PLA2G6: variants seen among roughly 807,000 people sequenced by gnomAD.
PLA2G6 encodes 85/88 kDa calcium-independent phospholipase A2.
Under a neutral mutation model 83.8 loss-of-function variants are expected in PLA2G6, and 62 were observed. That is an observed-to-expected ratio of 0.74 (90% CI 0.60 to 0.91). PLA2G6 has a LOEUF of 0.91. Among genes scored for constraint, PLA2G6 ranks in the 40% least tolerant of loss-of-function variants. PLA2G6 has a pLI of 0.00. For missense variants in PLA2G6, 944 were observed against 1,102.0 expected (o/e 0.86, Z 2.03); for synonymous variants, 417 against 449.8 (o/e 0.93, Z 0.92).
chr22:38,126,331 C>T (rs2087855245), intron 10 of PLA2G6, 40 bp downstream of exon 10: 2 of 1,487,102 alleles, frequency 1.3e-6, no homozygotes, highest in African/African-American at 2.8e-5. Flanking sequence ...CAGGAAAGCG[C>T]ACACGTTCCC....
At chr22:38,174,108 A>G (rs1022111089) in intron 1 of PLA2G6, among the ~76,000 whole-genome samples, 9 of 152,076 alleles carry the variant, frequency 5.9e-5, no homozygotes, top group African/African-American at 2.2e-4. Flanking sequence ...AAAAACAAAA[A>G]CAAACGGGCT....
intron 10 of PLA2G6, among the ~76,000 whole-genome samples, chr22:38,124,924 C>T (rs372107939): frequency 3.9e-5 from 6 of 152,202 alleles, no homozygotes; most frequent in South Asian, 4.1e-4. Flanking sequence ...ACCCAGAGGG[C>T]GCAGGGCTCT....
At position 38,128,505 on chromosome 22, in the gene PLA2G6, T is replaced by C; in HGVS notation, c.1187-75A>G. The C allele has an allele frequency of 6.6e-7, 1 of 1,505,538 alleles. No homozygotes were observed. Among genetic ancestry groups the C allele is most frequent in the Non-Finnish European group, 9.2e-7 (1 of 1,092,446 alleles). 93.3% of individuals were successfully genotyped at this position (1,505,538 alleles called of 1,614,324 possible). ...CAACATGCAAAGGAGAGGCCCCTCC[T>C]TTCCACACTCCGTCCCCTGTCCCAG... On this transcript the variant is annotated intron_variant, in intron 8 of 16. Transcript: ENST00000332509. This position sits in a 1 kb window ranked among gnomAD's most constrained non-coding sequence, Gnocchi z 4.4.
intron 2 of PLA2G6, among the ~76,000 whole-genome samples, chr22:38,160,464 G>A (rs1428478609): frequency 6.6e-6 from 1 of 152,000 alleles, no homozygotes; most frequent in African/African-American, 2.4e-5. Context: ...GTAGACAATG[G>A]AATTCTATTG....
At chr22:38,121,077 CAG>C in intron 11 of PLA2G6, 168 bp from the exon 12 acceptor site, 2 of 655,152 alleles carry the variant, frequency 3.1e-6, no homozygotes, top group South Asian at 1.9e-5. Flanking sequence ...CCCAGACAGA[CAG>C]AGAGAAACCT....
chr22:38,177,991 C>T (rs2090702003), intron 1 of PLA2G6, among the ~76,000 whole-genome samples: 1 of 152,102 alleles, frequency 6.6e-6, no homozygotes, highest in Admixed American at 6.6e-5. Context: ...AAGCCAAGGC[C>T]CTCGTCTCAA....
intron 11 of PLA2G6, among the ~76,000 whole-genome samples, chr22:38,122,000 G>T (rs1293391035): frequency 6.6e-6 from 1 of 152,184 alleles, no homozygotes; most frequent in Non-Finnish European, 1.5e-5. Flanking sequence ...AAAAGGAAAT[G>T]AAATACCAGT....
chr22:38,131,973 G>C (rs1486776290), intron 7 of PLA2G6: 1 of 346,500 alleles, frequency 2.9e-6, no homozygotes, highest in East Asian at 1.0e-4. Flanking sequence ...AAATTAGCTG[G>C]GCATGGTGGC....
intron 12 of PLA2G6, 73 bp downstream of exon 12, chr22:38,120,686 G>C (rs561264864): frequency 3.2e-5 from 50 of 1,547,268 alleles, no homozygotes; most frequent in Non-Finnish European, 4.3e-5. Flanking sequence ...AGCAGGACAG[G>C]GAGCCCTCTG....
intron 7 of PLA2G6, chr22:38,131,382 T>C (rs916283955): frequency 1.3e-5 from 2 of 150,542 alleles, no homozygotes; most frequent in African/African-American, 5.0e-5. Flanking sequence ...ATAGTAGGCA[T>C]ATATATTTAT....
chr22:38,145,689 G>T (rs375954989), intron 2 of PLA2G6, 36 bp from the exon 3 acceptor site: 13 of 1,451,988 alleles, frequency 9.0e-6, no homozygotes, highest in East Asian at 6.9e-5. Context: ...GACCCGAAAT[G>T]AGTAAGGCGG....
intron 10 of PLA2G6, among the ~76,000 whole-genome samples, chr22:38,125,260 G>C (rs566304061): frequency 6.9e-6 from 1 of 143,968 alleles, no homozygotes; most frequent in East Asian, 1.9e-4. Flanking sequence ...GTTTGCATGT[G>C]GGCAACACAT....
chr22:38,172,600 T>C (rs1255424185), intron 1 of PLA2G6, among the ~76,000 whole-genome samples: 10 of 152,202 alleles, frequency 6.6e-5, no homozygotes. Context: ...AGGCTGAGCC[T>C]CTGGGGGCTG....
At chr22:38,170,880 A>C (rs1423163273) in intron 1 of PLA2G6, among the ~76,000 whole-genome samples, 1 of 152,112 alleles carries the variant, frequency 6.6e-6, no homozygotes, top group East Asian at 1.9e-4. Flanking sequence ...CAATACTAAT[A>C]ATTATACCAA....
intron 1 of PLA2G6, among the ~76,000 whole-genome samples, chr22:38,176,752 G>T (rs770988239): frequency 6.6e-6 from 1 of 152,080 alleles, no homozygotes. Flanking sequence ...AACAGGGAAG[G>T]CGCAGCCGGG....
intron 3 of PLA2G6, chr22:38,144,408 T>C (rs1318848407): frequency 6.6e-6 from 1 of 152,204 alleles, no homozygotes; most frequent in Non-Finnish European, 1.5e-5. Flanking sequence ...GGAGGGCAGA[T>C]CACCTGAGGT....
Position 38,140,153 on chromosome 22 carries a change from G to T in PLA2G6, c.626C>A (p.Ala209Glu). 6.2e-7 allele frequency: 1 copy of T among 1,614,116 alleles called. No homozygotes were observed. Among genetic ancestry groups the T allele is most frequent in the South Asian group, 1.1e-5 (1 of 91,074 alleles). The change falls in exon 5 of 17, where the codon GCA becomes GAA. Residue 209 changes from alanine to glutamate, a missense_variant. Physicochemically the swap from Ala to Glu is moderately radical, Grantham distance 107. Coordinates refer to ENST00000332509, the MANE Select transcript of PLA2G6 (RefSeq NM_003560.4). Reference protein sequence around the residue: ...SQVLQLLGRNAVAGLNQVNNQ... With the variant: ...SQVLQLLGRNEVAGLNQVNNQ... Reference sequence around the variant, plus strand: ...ATTCACCTGGTTCAGGCCAGCCACTGCGTTCCTTCCAAGGAGCTGATGAAA... The same window carrying T: ...ATTCACCTGGTTCAGGCCAGCCACTTCGTTCCTTCCAAGGAGCTGATGAAA...
At chr22:38,124,247 T>C (rs1165306761) in intron 10 of PLA2G6, among the ~76,000 whole-genome samples, 1 of 151,746 alleles carries the variant, frequency 6.6e-6, no homozygotes, top group East Asian at 1.9e-4. Flanking sequence ...GCTCAAGTGA[T>C]CCTCCCGAGT....
intron 2 of PLA2G6, among the ~76,000 whole-genome samples, chr22:38,157,283 C>CATA: frequency 6.6e-6 from 1 of 152,028 alleles, no homozygotes; most frequent in East Asian, 1.9e-4. Flanking sequence ...ATATTACAAC[C>CATA]AATATCACAG....
Sources: gnomAD v4.1 joint callset for allele counts (sites outside exome capture counted in the v4.1 genomes callset) on GRCh38, gnomAD v4.1.1 for gene constraint, Gnocchi (gnomAD v3.1) non-coding constraint, MANE v1.5 for transcripts, NCBI Gene and HGNC (gene_info 2026-07-23, HGNC 2026-07-21) for gene names.